Variants in CPQ observed in about 807,000 individuals in gnomAD.
The protein encoded by CPQ is Ser-Met dipeptidase.
In CPQ, 37 loss-of-function variants were observed where a neutral mutation model predicts 45.7. The ratio of observed to expected loss-of-function variants is 0.81; its 90% CI spans 0.62 to 1.07. CPQ has a LOEUF of 1.07. Ranked by LOEUF, CPQ falls within the 50% of genes least tolerant of loss-of-function variation. The pLI is 0.00. For synonymous variants in CPQ, 186 were observed against 205.8 expected (o/e 0.90, Z 0.82); for missense variants, 537 against 572.9 (o/e 0.94, Z 0.64).
At chr8:97,128,875 G>T (rs540047868) in intron 7 of CPQ, among the ~76,000 whole-genome samples, 1 of 152,302 alleles carries the variant, frequency 6.6e-6, no homozygotes, top group East Asian at 1.9e-4. Context: ...GATGATGGTT[G>T]GACTAGAGAA....
intron 3 of CPQ, among the ~76,000 whole-genome samples, chr8:96,876,237 A>G (rs758918344): frequency 1.1e-4 from 17 of 151,932 alleles, no homozygotes; most frequent in Non-Finnish European, 1.5e-4. Flanking sequence ...AGGATTTTCT[A>G]TATGTAAGAT....
chr8:96,824,985 G>T (rs1337829954), intron 2 of CPQ, among the ~76,000 whole-genome samples: 5 of 151,998 alleles, frequency 3.3e-5, no homozygotes, highest in Admixed American at 3.3e-4. Flanking sequence ...CATCCCCTGT[G>T]GTGGCCTTCT....
intron 3 of CPQ, among the ~76,000 whole-genome samples, chr8:96,846,943 A>G (rs1385543367): frequency 6.6e-6 from 1 of 152,208 alleles, no homozygotes; most frequent in Non-Finnish European, 1.5e-5. Context: ...TTTTCAAAGA[A>G]TATAAGGGAG....
chr8:97,123,328 CTG>C (rs1353875056), intron 7 of CPQ, among the ~76,000 whole-genome samples: 1 of 147,420 alleles, frequency 6.8e-6, no homozygotes, highest in African/African-American at 2.5e-5. Context: ...AGTAAATGGA[CTG>C]TTCAAATAAA....
At chr8:96,646,357 A>G (rs1211830354) in intron 1 of CPQ, among the ~76,000 whole-genome samples, 1 of 152,106 alleles carries the variant, frequency 6.6e-6, no homozygotes. Context: ...CATTGTCACT[A>G]TAATATTATT....
chr8:96,836,322 T>G (rs1384478295), intron 3 of CPQ, among the ~76,000 whole-genome samples: 2 of 152,262 alleles, frequency 1.3e-5, no homozygotes, highest in South Asian at 2.1e-4. Context: ...AGGAAAGTTG[T>G]ACAAAAGTGC....
intron 7 of CPQ, among the ~76,000 whole-genome samples, chr8:97,120,230 C>T (rs1490334149): frequency 1.3e-5 from 2 of 152,190 alleles, no homozygotes; most frequent in Admixed American, 6.5e-5. Context: ...CTAAGGCTGG[C>T]CTCTGAAAGT....
At chr8:97,010,582 C>T (rs1810716621) in intron 5 of CPQ, among the ~76,000 whole-genome samples, 1 of 152,172 alleles carries the variant, frequency 6.6e-6, no homozygotes, top group African/African-American at 2.4e-5. Context: ...CACTGCCTCA[C>T]CAGCTGCCCA....
chr8:97,059,784 C>G (rs1217159117), intron 6 of CPQ, among the ~76,000 whole-genome samples: 1 of 152,110 alleles, frequency 6.6e-6, no homozygotes, highest in Non-Finnish European at 1.5e-5. Context: ...TTGAGCCTAC[C>G]ACCTGACCAA....
intron 6 of CPQ, among the ~76,000 whole-genome samples, chr8:97,040,096 C>T (rs1179063815): frequency 6.7e-6 from 1 of 149,112 alleles, no homozygotes; most frequent in Non-Finnish European, 1.5e-5. Flanking sequence ...TACAGTCCCA[C>T]CAACAGTGTA....
intron 6 of CPQ, among the ~76,000 whole-genome samples, chr8:97,039,726 A>C (rs1168102329): frequency 6.6e-6 from 1 of 151,728 alleles, no homozygotes; most frequent in African/African-American, 2.4e-5. Flanking sequence ...GAGTAAGAAC[A>C]TGTGGTGTTT....
chr8:96,917,310 C>A (rs1812746491), intron 4 of CPQ, among the ~76,000 whole-genome samples: 1 of 152,026 alleles, frequency 6.6e-6, no homozygotes. Flanking sequence ...AATACTTATT[C>A]TATAAGTACT....
intron 5 of CPQ, among the ~76,000 whole-genome samples, chr8:96,998,009 A>G (rs189883405): frequency 6.6e-6 from 1 of 152,054 alleles, no homozygotes; most frequent in East Asian, 1.9e-4. Context: ...TTTTTCACAT[A>G]ATTTTAATCA....
chr8:97,102,233 CA>C (rs1811325240), intron 7 of CPQ, among the ~76,000 whole-genome samples: 1 of 152,106 alleles, frequency 6.6e-6, no homozygotes, highest in Non-Finnish European at 1.5e-5. Context: ...CTTCTGATTT[CA>C]AAGAAAGCTG....
chr8:96,830,407 C>T lies in CPQ; in HGVS notation c.434-4566C>T, dbSNP rs541636710. On this transcript the variant is annotated intron_variant, in intron 2 of 7. Coordinates refer to ENST00000220763, the MANE Select transcript of CPQ (RefSeq NM_016134.4). ...TTCTCTATAGACTACATGATCCGTG[C>T]CAATACCACAGCAGTCAGCAGCTGT... Among the ~76,000 whole-genome samples the T allele has an allele frequency of 2.0e-5, 3 of 152,106 alleles. 1 individual carries two copies. The South Asian group carries it at 6.2e-4, about 32-fold the overall frequency.
intron 1 of CPQ, among the ~76,000 whole-genome samples, chr8:96,709,235 C>T (rs1220512844): frequency 6.6e-6 from 1 of 151,628 alleles, no homozygotes; most frequent in Non-Finnish European, 1.5e-5. Flanking sequence ...TTTTTTAATC[C>T]CTCACCCCTC....
chr8:97,126,873 T>A (rs1811855744), intron 7 of CPQ, among the ~76,000 whole-genome samples: 1 of 152,196 alleles, frequency 6.6e-6, no homozygotes, highest in Non-Finnish European at 1.5e-5. Flanking sequence ...TCTATGCGTA[T>A]ATGGTCACTT....
At chr8:96,717,759 T>G (rs1809702364) in intron 1 of CPQ, among the ~76,000 whole-genome samples, 1 of 152,098 alleles carries the variant, frequency 6.6e-6, no homozygotes, top group Non-Finnish European at 1.5e-5. Context: ...GTCAGGCAAG[T>G]ATGTGTTCTG....
At chr8:96,929,864 C>T (rs1812947890) in intron 4 of CPQ, among the ~76,000 whole-genome samples, 1 of 152,116 alleles carries the variant, frequency 6.6e-6, no homozygotes, top group Non-Finnish European at 1.5e-5. Flanking sequence ...GCAAAAGTTT[C>T]CTTACAGTAA....
Sources: gnomAD v4.1 joint callset for allele counts (sites outside exome capture counted in the v4.1 genomes callset) on GRCh38, gnomAD v4.1.1 for gene constraint, MANE v1.5 for transcripts, NCBI Gene and HGNC (gene_info 2026-07-23, HGNC 2026-07-21) for gene names.